The following ACAD10 variants were observed in gnomAD, a reference collection of about 807,000 sequenced individuals.
ACAD10 encodes the protein acyl-CoA dehydrogenase family member 10, also known as ACAD-10.
ACAD10 carries 112 observed loss-of-function variants against 116.8 expected under a neutral mutation model. That is an observed-to-expected ratio of 0.96 (90% confidence interval 0.82 to 1.12). The LOEUF is 1.12. ACAD10 is among the 50% of genes most tolerant of loss of function. ACAD10 has a pLI of 0.00. For missense variants in ACAD10, 1,259 were observed against 1,350.2 expected (o/e 0.93, Z 1.06); for synonymous variants, 486 against 510.6 (o/e 0.95, Z 0.65).
intron 2 of ACAD10, among the ~76,000 whole-genome samples, chr12:111,695,939 G>C (rs1275628384): frequency 6.6e-6 from 1 of 151,504 alleles, no homozygotes; most frequent in Non-Finnish European, 1.5e-5. Context: ...ACTTGAACCC[G>C]GGAAACAGAG....
chr12:111,724,823 G>T (rs1298362303), intron 8 of ACAD10, among the ~76,000 whole-genome samples: 2 of 150,916 alleles, frequency 1.3e-5, no homozygotes, highest in African/African-American at 4.9e-5. Context: ...AGAGGGAGAG[G>T]GAGACCGTGG....
chr12:111,730,474 G>T (rs924178402), intron 10 of ACAD10, among the ~76,000 whole-genome samples: 1 of 152,208 alleles, frequency 6.6e-6, no homozygotes, highest in Non-Finnish European at 1.5e-5. Context: ...GTCTCTGGGG[G>T]TATGTGATGA....
chr12:111,686,943 A>G (rs1887882000), intron 1 of ACAD10, among the ~76,000 whole-genome samples: 1 of 152,232 alleles, frequency 6.6e-6, no homozygotes, highest in Non-Finnish European at 1.5e-5. Flanking sequence ...TAGTCATTGC[A>G]TAAAGTTGGC....
At chr12:111,754,670 T>A (rs1242797787) in intron 19 of ACAD10, among the ~76,000 whole-genome samples, 1 of 152,182 alleles carries the variant, frequency 6.6e-6, no homozygotes, top group Non-Finnish European at 1.5e-5. Flanking sequence ...GCGTGCTAGA[T>A]ATGGTGGAGG....
At chr12:111,696,005 C>G (rs1451720560) in intron 2 of ACAD10, among the ~76,000 whole-genome samples, 2 of 129,370 alleles carry the variant, frequency 1.5e-5, no homozygotes, top group African/African-American at 3.6e-5. Flanking sequence ...CAGAGCAAGA[C>G]TCTGTCTCAA....
chr12:111,756,271 C>A, intron 20 of ACAD10, 62 bp from the exon 21 acceptor site: 1 of 1,514,316 alleles, frequency 6.6e-7, no homozygotes, highest in Non-Finnish European at 8.8e-7. Context: ...GGCTATCATT[C>A]CTGGGGCTCT....
chr12:111,721,596 A>C, intron 7 of ACAD10, 75 bp from the exon 8 acceptor site: 1 of 1,385,184 alleles, frequency 7.2e-7, no homozygotes, highest in East Asian at 2.3e-5. Flanking sequence ...ACAAACAAAA[A>C]ACAAAGAAAA....
Position 111,705,916 on chromosome 12 carries a change from G to A in ACAD10, c.515G>A (p.Arg172Gln), listed in dbSNP as rs200380265. The A allele has an allele frequency of 1.7e-5, 28 of 1,614,056 alleles. No homozygotes were observed. The highest frequency in any genetic ancestry group is 3.3e-4 in the Middle Eastern group (2 of 6,062). ...CAGAAAAGCTTTTTGCCCCTGGACC[G>A]GAAACAGTTTGATGTGGTAAGCTTG... ...PNQKSFLPLD[R>Q]KQFDVIVESC... The change falls in exon 4 of 21, where the codon CGG becomes CAG. Residue 172 changes from arginine (R) to glutamine (Q), a missense_variant. Physicochemically the swap from Arg to Gln is conservative, Grantham distance 43. Transcript: ENST00000313698.
At chr12:111,736,150 G>C (rs1192491143) in intron 11 of ACAD10, among the ~76,000 whole-genome samples, 1 of 149,866 alleles carries the variant, frequency 6.7e-6, no homozygotes, top group Non-Finnish European at 1.5e-5. Flanking sequence ...TAAAGTGCTG[G>C]GATTAGAGGC....
chr12:111,750,036 A>G (rs11608345), intron 18 of ACAD10, among the ~76,000 whole-genome samples: 29,364 of 150,414 alleles, frequency 0.2, 3,028 homozygotes, highest in East Asian at 0.28. Context: ...GGCTCCCAAA[A>G]TGCTGGGATT....
intron 8 of ACAD10, among the ~76,000 whole-genome samples, chr12:111,723,882 G>A (rs1036847351): frequency 1.2e-4 from 18 of 151,334 alleles, no homozygotes; most frequent in Non-Finnish European, 2.5e-4. Flanking sequence ...GGGCGGCCGG[G>A]CAGGGACGCT....
chr12:111,734,615 C>T (rs1349574130), intron 11 of ACAD10, among the ~76,000 whole-genome samples: 2 of 152,090 alleles, frequency 1.3e-5, no homozygotes, highest in Non-Finnish European at 2.9e-5. Context: ...CAGGGCGAGA[C>T]TCCATCTCAA....
intron 7 of ACAD10, among the ~76,000 whole-genome samples, chr12:111,717,233 C>A (rs1397569446): frequency 6.6e-6 from 1 of 151,716 alleles, no homozygotes; most frequent in Non-Finnish European, 1.5e-5. Flanking sequence ...TGACTTGGAC[C>A]TGTAGTCCCA....
rs1174553274 is a variant in ACAD10, at chr12:111,723,174, C to T, written c.1061+1435C>T. On this transcript the variant is annotated intron_variant, in intron 8 of 20. Transcript: ENST00000313698. ...CCCCCCACCTCCCTCCCGGACGGGG[C>T]GGCTGGCCGGGTGGGGGGCTGACCC... Among the ~76,000 whole-genome samples, 30 of 138,344 alleles carry T rather than the reference C, an allele frequency of 2.2e-4. No individual in the cohort carries two copies. In the South Asian group the frequency reaches 5.1e-3, roughly 23 times the overall value. 90.8% of individuals were successfully genotyped at this position (138,344 alleles called of 152,430 possible). A position where few individuals can be genotyped will look rare whatever the true frequency, so the allele number is the denominator to read the frequency against.
At chr12:111,744,515 C>T (rs184911514) in intron 12 of ACAD10, 128 bp from the exon 13 acceptor site, 5 of 1,154,406 alleles carry the variant, frequency 4.3e-6, no homozygotes, top group East Asian at 2.4e-5. Flanking sequence ...GCTCTTAGCA[C>T]AGTGTTTGGT....
chr12:111,747,353 A>G lies in ACAD10; in HGVS notation c.2453A>G (p.Tyr818Cys), dbSNP rs758109154. The part of the protein sequence containing the change: ...EASIREEDSF[Y>C]VINGHKWWIT... ...TCCATCAGAGAGGAGGACAGCTTCTATGTCATAAACGGTCACAAATGGTGG... is the reference window on the plus strand; with the variant it reads ...TCCATCAGAGAGGAGGACAGCTTCTGTGTCATAAACGGTCACAAATGGTGG... The change falls in exon 16 of 21, where the codon TAT becomes TGT. Residue 818 changes from tyrosine (Y) to cysteine (C), a missense_variant. Physicochemically the swap from Tyr to Cys is radical, Grantham distance 194. Transcript: ENST00000313698. 57 of 1,614,050 alleles carry G rather than the reference A, an allele frequency of 3.5e-5. 1 individual carries two copies. The Middle Eastern group carries it at 4.9e-4, about 14-fold the overall frequency.
intron 10 of ACAD10, among the ~76,000 whole-genome samples, chr12:111,732,265 G>A (rs1043428881): frequency 6.6e-6 from 1 of 152,198 alleles, no homozygotes; most frequent in Admixed American, 6.5e-5. Context: ...TTGGCCATAT[G>A]TTGGAATTCT....
chr12:111,686,548 C>A (rs1463801723), intron 1 of ACAD10, among the ~76,000 whole-genome samples: 1 of 152,152 alleles, frequency 6.6e-6, no homozygotes, highest in African/African-American at 2.4e-5. Context: ...AACCTCGTCT[C>A]TACTGAACAT....
rs560344796 is a variant in ACAD10, at chr12:111,718,036, CTTTTTTTTTTTTTTTTT to C, written c.992+2089_992+2105del. ...TATACGTAGGATCTATAGTGATATC[CTTTTTTTTTTTTTTTTT>C]TTTTTTTTTTTTTTGAAATGGAGTC... On this transcript the variant is annotated intron_variant, in intron 7 of 20. Transcript: ENST00000313698. Among the ~76,000 whole-genome samples, 11 of 63,674 alleles carry C rather than the reference CTTTTTTTTTTTTTTTTT, an allele frequency of 1.7e-4. 1 individual carries two copies. The South Asian group carries it at 2.8e-3, about 16-fold the overall frequency. The allele number at this position is 63,674 out of a possible 152,430, so 41.8% of individuals were successfully genotyped here.
Sources: gnomAD v4.1 joint callset for allele counts (sites outside exome capture counted in the v4.1 genomes callset) on GRCh38, gnomAD v4.1.1 for gene constraint, MANE v1.5 for transcripts, NCBI Gene and HGNC (gene_info 2026-07-23, HGNC 2026-07-21) for gene names.